Variants in SLC45A4 observed in about 807,000 individuals in gnomAD.
SLC45A4 encodes solute carrier family 45 member 4.
SLC45A4 carries 32 observed loss-of-function variants against 63.7 expected under a neutral mutation model. The observed-to-expected ratio is 0.50, with a 90% CI of 0.38 to 0.67. The LOEUF (loss-of-function observed/expected upper bound fraction) is 0.67. Ranked by LOEUF, SLC45A4 falls within the 30% of genes least tolerant of loss-of-function variation. The pLI, the probability that SLC45A4 is intolerant of heterozygous loss-of-function variation, is 0.00. For missense variants in SLC45A4, 1,027 were observed against 1,157.7 expected (o/e 0.89, Z 1.64); for synonymous variants, 535 against 510.0 (o/e 1.05, Z -0.66).
At chr8:141,264,141 G>A (rs1033526820) in intron 1 of SLC45A4, among the ~76,000 whole-genome samples, 3 of 152,192 alleles carry the variant, frequency 2.0e-5, no homozygotes, top group African/African-American at 7.2e-5. Flanking sequence ...CATGTAACAG[G>A]CTACTGAATG....
At chr8:141,242,013 C>G (rs1827942730) in intron 2 of SLC45A4, among the ~76,000 whole-genome samples, 1 of 152,234 alleles carries the variant, frequency 6.6e-6, no homozygotes, top group African/African-American at 2.4e-5. Context: ...CCAGGTCAGA[C>G]AGAAAAGAGC....
intron 1 of SLC45A4, among the ~76,000 whole-genome samples, chr8:141,286,826 T>G (rs978071452): frequency 6.9e-6 from 1 of 145,104 alleles, no homozygotes; most frequent in Non-Finnish European, 1.5e-5. Flanking sequence ...TTGGGAAAAA[T>G]AGAAGCAGCT....
At chr8:141,255,859 G>A (rs907356635) in intron 1 of SLC45A4, among the ~76,000 whole-genome samples, 2 of 152,180 alleles carry the variant, frequency 1.3e-5, no homozygotes, top group South Asian at 2.1e-4. Flanking sequence ...GACTCCTGTG[G>A]TATTGGCCTT....
At chr8:141,226,819 G>T (rs979247866) in intron 2 of SLC45A4, 1 of 152,292 alleles carries the variant, frequency 6.6e-6, no homozygotes, top group Non-Finnish European at 1.5e-5. Flanking sequence ...GAGGCAGCAC[G>T]GCCACGGGAC....
rs148433179 is a variant in SLC45A4, at chr8:141,218,529, C to T, written c.1111G>A (p.Glu371Lys). The T allele has an allele frequency of 9.2e-4, 1,480 of 1,613,604 alleles. 4 individuals carry two copies. The highest frequency in any genetic ancestry group is 2.2e-3 in the Admixed American group (131 of 60,030). Residue 371 changes from glutamate (E) to lysine (K), a missense_variant, in exon 5 of 9, where the codon GAG becomes AAG. Glu to Lys is a moderately conservative substitution (Grantham distance 56). Transcript: ENST00000517878. Reference sequence around the variant, plus strand: ...TTCAAGTGATTATCCAGCAAGGTCTCGTCCTCCTTGGCGGCTTCCTTGAGG... The same window carrying T: ...TTCAAGTGATTATCCAGCAAGGTCTTGTCCTCCTTGGCGGCTTCCTTGAGG... ...TFLKEAAKEDETLLDNHLNEA... is the reference protein window; with the variant it reads ...TFLKEAAKEDKTLLDNHLNEA...
Position 141,228,477 on chromosome 8 carries a change from GGGCACCTGTCTTCACTGGCA to G in SLC45A4, c.242-6732_242-6713del, listed in dbSNP as rs562547309. On this transcript the variant is annotated intron_variant, in intron 2 of 8. Coordinates refer to ENST00000517878, the MANE Select transcript of SLC45A4 (RefSeq NM_001286646.2). ...AGGGCCGACCCTGTGTCCAGCTTGT[GGGCACCTGTCTTCACTGGCA>G]GGCACCTGTCTTCACTGGCCAGCTC... 5,723 of 1,354,116 alleles carry G rather than the reference GGGCACCTGTCTTCACTGGCA, an allele frequency of 4.2e-3. 24 individuals carry two copies. Among genetic ancestry groups the G allele is most frequent in the Middle Eastern group, 0.013 (46 of 3,554 alleles). 83.9% of individuals were successfully genotyped at this position (1,354,116 alleles called of 1,614,324 possible).
At chr8:141,264,349 C>T (rs916193425) in intron 1 of SLC45A4, among the ~76,000 whole-genome samples, 3 of 152,132 alleles carry the variant, frequency 2.0e-5, no homozygotes, top group African/African-American at 4.8e-5. Flanking sequence ...TGTCGGCGTG[C>T]ACTTGTCTCC....
chr8:141,285,246 G>A (rs1422636511), intron 1 of SLC45A4, among the ~76,000 whole-genome samples: 2 of 152,080 alleles, frequency 1.3e-5, no homozygotes, highest in East Asian at 1.9e-4. Flanking sequence ...GAACCACAAC[G>A]CGCCCGCACC....
intron 1 of SLC45A4, among the ~76,000 whole-genome samples, chr8:141,262,631 C>T (rs1191662490): frequency 6.6e-6 from 1 of 151,324 alleles, no homozygotes; most frequent in Non-Finnish European, 1.5e-5. Flanking sequence ...TCATCACTGG[C>T]CATCAGAGAA....
At chr8:141,211,766 A>G (rs1448245732) in intron 8 of SLC45A4, 69 bp from the exon 9 acceptor site, 5 of 1,459,130 alleles carry the variant, frequency 3.4e-6, no homozygotes, top group African/African-American at 1.4e-5. Flanking sequence ...AAGCATTCAG[A>G]TAAGACTTAG....
chr8:141,241,450 C>A (rs1247392667), intron 2 of SLC45A4, among the ~76,000 whole-genome samples: 1 of 152,180 alleles, frequency 6.6e-6, no homozygotes, highest in African/African-American at 2.4e-5. Flanking sequence ...TGGACGGAAA[C>A]CTCGCTGTCT....
At chr8:141,307,793 GCGCCC>G (rs935664975) in intron 1 of SLC45A4, among the ~76,000 whole-genome samples, 3 of 130,186 alleles carry the variant, frequency 2.3e-5, no homozygotes, top group Non-Finnish European at 5.0e-5. Flanking sequence ...ATGAAGGCGC[GCGCCC>G]CGGGGTGGGG....
intron 3 of SLC45A4, among the ~76,000 whole-genome samples, chr8:141,220,193 G>A (rs994192009): frequency 1.3e-5 from 2 of 152,196 alleles, no homozygotes; most frequent in Non-Finnish European, 2.9e-5. Flanking sequence ...TAAGAAGGCC[G>A]CACATGGTAG....
At chr8:141,240,352 T>C (rs1407577154) in intron 2 of SLC45A4, among the ~76,000 whole-genome samples, 1 of 152,188 alleles carries the variant, frequency 6.6e-6, no homozygotes, top group African/African-American at 2.4e-5. Context: ...TGATTTTCCT[T>C]TTCCCCTGAG....
At chr8:141,300,710 G>T (rs1469074436) in intron 1 of SLC45A4, among the ~76,000 whole-genome samples, 1 of 152,238 alleles carries the variant, frequency 6.6e-6, no homozygotes, top group Non-Finnish European at 1.5e-5. Flanking sequence ...AGTCTTCTCT[G>T]CTTCTAACAC....
rs375980527 is a variant in SLC45A4 at position 141,218,629 on chromosome 8, G to A, written c.1011C>T (p.Asp337=). ...LHDIEPSIFH[D]ASYPATPRST... The stretch of plus-strand genomic sequence containing the variant: ...TGCGGGGGGTGGCGGGGTAGGAGGC[G>A]TCGTGGAAGATGGAGGGCTCGATGT... Residue 337 remains aspartate (D), a synonymous_variant, in exon 5 of 9, where the codon GAC becomes GAT. Transcript: ENST00000517878. 89 of 1,613,252 alleles carry A rather than the reference G, an allele frequency of 5.5e-5. No individual in the cohort carries two copies. Among genetic ancestry groups the A allele is most frequent in the African/African-American group, 1.7e-4 (13 of 74,918 alleles).
rs1827047314 is a variant in SLC45A4, at chr8:141,227,061, G to T, written c.242-5296C>A. ...GTTCGTAGCAGGGGGCTGCCACTGG[G>T]ACGGCTCTGACGGGGCATTTCCCAG... On this transcript the variant is annotated intron_variant, in intron 2 of 8. Transcript: ENST00000517878. The surrounding 1 kb of genome is among the most constrained non-coding windows in gnomAD (Gnocchi z 4.4). 2 of 152,260 alleles carry T rather than the reference G, an allele frequency of 1.3e-5. No individual in the cohort carries two copies. The highest frequency in any genetic ancestry group is 4.8e-5 in the African/African-American group (2 of 41,460). 9.4% of individuals were successfully genotyped at this position (152,260 alleles called of 1,614,324 possible). A position where few individuals can be genotyped will look rare whatever the true frequency, so the allele number is the denominator to read the frequency against.
At chr8:141,258,438 C>A (rs925144919) in intron 1 of SLC45A4, among the ~76,000 whole-genome samples, 8 of 152,254 alleles carry the variant, frequency 5.3e-5, no homozygotes, top group African/African-American at 1.4e-4. Flanking sequence ...GAGCAGGTTG[C>A]ATAAGAATCA....
intron 1 of SLC45A4, among the ~76,000 whole-genome samples, chr8:141,304,251 AC>A (rs1480951669): frequency 6.8e-6 from 1 of 147,578 alleles, no homozygotes; most frequent in Non-Finnish European, 1.5e-5. Context: ...ACACAGTGAG[AC>A]CCCCTGACTC....
Sources: allele counts gnomAD v4.1 joint callset (sites outside exome capture counted in the v4.1 genomes callset), GRCh38; gene constraint gnomAD v4.1.1; non-coding constraint Gnocchi (gnomAD v3.1); transcripts MANE v1.5; gene names NCBI Gene and HGNC (gene_info 2026-07-23, HGNC 2026-07-21).